Variants in PVT1 observed in about 807,000 individuals in gnomAD.
PVT1 encodes the protein Pvt1 oncogene.
At chr8:127,847,843 G>A (rs757805237) in intron 2 of PVT1, among the ~76,000 whole-genome samples, 13 of 152,150 alleles carry the variant, frequency 8.5e-5, no homozygotes, top group Non-Finnish European at 8.8e-5. Flanking sequence ...GCCTGTGCGT[G>A]GTGGGAGGAG....
chr8:128,075,622 C>G (rs1814077771), intron 5 of PVT1, among the ~76,000 whole-genome samples: 1 of 152,130 alleles, frequency 6.6e-6, no homozygotes, highest in Non-Finnish European at 1.5e-5. Context: ...TTCCTGCAGA[C>G]CATTCTAATT....
At chr8:127,928,940 G>A (rs1816166190) in intron 3 of PVT1, among the ~76,000 whole-genome samples, 1 of 152,216 alleles carries the variant, frequency 6.6e-6, no homozygotes, top group South Asian at 2.1e-4. Flanking sequence ...CGCTGTGTTT[G>A]TAAAGGGTAT....
chr8:128,051,458 A>T (rs1249280871), intron 4 of PVT1, among the ~76,000 whole-genome samples: 2 of 152,194 alleles, frequency 1.3e-5, no homozygotes, highest in Admixed American at 1.3e-4. Flanking sequence ...TTTGGACTTC[A>T]TGGATTGAGA....
chr8:127,837,398 T>TG (rs900124429), intron 2 of PVT1, among the ~76,000 whole-genome samples: 4 of 113,532 alleles, frequency 3.5e-5, no homozygotes, highest in Admixed American at 1.1e-4. Flanking sequence ...TGTTGTTGTT[T>TG]TTTTTTTTTT....
At chr8:127,842,131 T>C (rs1325123617) in intron 2 of PVT1, among the ~76,000 whole-genome samples, 2 of 151,652 alleles carry the variant, frequency 1.3e-5, no homozygotes, top group East Asian at 3.8e-4. Context: ...ATTTAAACTT[T>C]TGCAGAAATA....
At chr8:128,015,771 C>CAAA (rs375990538) in intron 4 of PVT1, among the ~76,000 whole-genome samples, 12,025 of 95,654 alleles carry the variant, frequency 0.13, 1,183 homozygotes, top group Admixed American at 0.23. Flanking sequence ...GACTTTGTCT[C>CAAA]AAAAAAAAAA....
At chr8:127,927,040 C>A (rs994761543) in intron 3 of PVT1, among the ~76,000 whole-genome samples, 1 of 152,136 alleles carries the variant, frequency 6.6e-6, no homozygotes, top group Non-Finnish European at 1.5e-5. Flanking sequence ...GGGAAAAGGA[C>A]GTGGGAAGGC....
chr8:127,902,536 G>A (rs778452918), intron 3 of PVT1, among the ~76,000 whole-genome samples: 5 of 151,390 alleles, frequency 3.3e-5, no homozygotes, highest in African/African-American at 7.3e-5. Flanking sequence ...AACTCATCAC[G>A]CAGGTACTGA....
intron 4 of PVT1, among the ~76,000 whole-genome samples, chr8:127,994,021 A>G (rs1307553242): frequency 6.6e-6 from 1 of 152,084 alleles, no homozygotes; most frequent in Non-Finnish European, 1.5e-5. Flanking sequence ...CTGCTCATGG[A>G]TGGTGGCTCC....
At chr8:127,910,716 G>A (rs747922556) in intron 3 of PVT1, among the ~76,000 whole-genome samples, 2 of 152,158 alleles carry the variant, frequency 1.3e-5, no homozygotes, top group Non-Finnish European at 2.9e-5. Flanking sequence ...AATCCTAGGA[G>A]GATGGTGCTA....
intron 4 of PVT1, among the ~76,000 whole-genome samples, chr8:127,998,663 C>T (rs10283166): frequency 0.13 from 18,513 of 142,952 alleles, 1,474 homozygotes; most frequent in Non-Finnish European, 0.18. Context: ...TTCCTTTTTT[C>T]CTTCCTTCCT....
At chr8:128,023,960 C>G (rs564673645) in intron 4 of PVT1, among the ~76,000 whole-genome samples, 1 of 152,176 alleles carries the variant, frequency 6.6e-6, no homozygotes, top group Non-Finnish European at 1.5e-5. Flanking sequence ...ATCTATTCTG[C>G]GTGGAGGAAT....
chr8:128,017,710 T>C (rs1470616928), intron 4 of PVT1, among the ~76,000 whole-genome samples: 3 of 152,140 alleles, frequency 2.0e-5, no homozygotes, highest in African/African-American at 7.2e-5. Flanking sequence ...GTGCTGGAAT[T>C]ATAGGCGTGA....
chr8:127,889,114 T>C (rs1798088973), intron 2 of PVT1, among the ~76,000 whole-genome samples: 2 of 149,234 alleles, frequency 1.3e-5, no homozygotes, highest in African/African-American at 5.0e-5. Context: ...CTTCCTTCCC[T>C]CTCTCTCTTT....
chr8:127,910,393 CT>C (rs1413973123), intron 3 of PVT1, among the ~76,000 whole-genome samples: 1 of 152,220 alleles, frequency 6.6e-6, no homozygotes, highest in Non-Finnish European at 1.5e-5. Flanking sequence ...GTGTCCTCAT[CT>C]GCAAACTGGG....
chr8:128,012,393 C>A (rs1437193562), intron 4 of PVT1, among the ~76,000 whole-genome samples: 2 of 152,088 alleles, frequency 1.3e-5, no homozygotes, highest in African/African-American at 4.8e-5. Flanking sequence ...CATCAATATC[C>A]CCTTTAATGC....
intron 4 of PVT1, among the ~76,000 whole-genome samples, chr8:128,019,072 G>A (rs1199591269): frequency 6.6e-6 from 1 of 152,298 alleles, no homozygotes; most frequent in African/African-American, 2.4e-5. Context: ...ATGAGCAGCC[G>A]CTGACCATCA....
chr8:127,875,351 G>T (rs112302941), intron 2 of PVT1, among the ~76,000 whole-genome samples: 1 of 131,980 alleles, frequency 7.6e-6, no homozygotes, highest in African/African-American at 3.3e-5. Context: ...GACTCTGTCT[G>T]TCTCTGTCTC....
At chr8:128,074,936 A>G (rs950197093) in intron 5 of PVT1, among the ~76,000 whole-genome samples, 1 of 152,226 alleles carries the variant, frequency 6.6e-6, no homozygotes, top group Non-Finnish European at 1.5e-5. Flanking sequence ...ATGTACTGAT[A>G]AATGCAGCCA....
Sources: gnomAD v4.1 joint callset for allele counts (sites outside exome capture counted in the v4.1 genomes callset) on GRCh38, gnomAD v4.1.1 for gene constraint, MANE v1.5 for transcripts, NCBI Gene and HGNC (gene_info 2026-07-23, HGNC 2026-07-21) for gene names.